The following PIK3CB variants were observed in gnomAD, a reference collection of about 807,000 sequenced individuals.
The protein encoded by PIK3CB is phosphatidylinositol-4,5-bisphosphate 3-kinase catalytic subunit beta.
In PIK3CB, 39 loss-of-function variants were observed where a neutral mutation model predicts 136.8. The observed-to-expected ratio is 0.29, with a 90% confidence interval of 0.22 to 0.37. The LOEUF is 0.37. PIK3CB is among the 10% of genes least tolerant of loss of function. The pLI, the probability that PIK3CB is intolerant of heterozygous loss-of-function variation, is 1.00. For missense variants in PIK3CB, 868 were observed against 1,275.4 expected (o/e 0.68, Z 4.87); for synonymous variants, 428 against 436.6 (o/e 0.98, Z 0.25).
chr3:138,655,543 A>G lies in PIK3CB; in HGVS notation c.3076-17T>C, dbSNP rs757526359. On this transcript the variant is annotated splice_polypyrimidine_tract_variant and intron_variant, in intron 23 of 23. Transcript: ENST00000674063. ...AAGAGAGTCCTAAAATGGAAGGGGGAAAATATGATTTTATATAACTTTAGT... is the reference window on the plus strand; with the variant it reads ...AAGAGAGTCCTAAAATGGAAGGGGGGAAATATGATTTTATATAACTTTAGT... 12 of 1,596,176 alleles carry G rather than the reference A, an allele frequency of 7.5e-6. No homozygotes were observed. The South Asian group carries it at 1.3e-4, about 18-fold the overall frequency.
intron 19 of PIK3CB, among the ~76,000 whole-genome samples, chr3:138,673,309 C>T (rs746534899): frequency 2.0e-5 from 3 of 151,438 alleles, no homozygotes; most frequent in Non-Finnish European, 4.4e-5. Flanking sequence ...TGAAAAGGCA[C>T]AATGAAAATG....
At chr3:138,693,966 T>TATATTATA (rs1457395869) in intron 14 of PIK3CB, among the ~76,000 whole-genome samples, 3 of 42,404 alleles carry the variant, frequency 7.1e-5, no homozygotes, top group Non-Finnish European at 1.1e-4. Flanking sequence ...TATATATATA[T>TATATTATA]TATATATATA....
intron 2 of PIK3CB, among the ~76,000 whole-genome samples, chr3:138,766,163 G>A (rs1484101692): frequency 2.0e-5 from 3 of 152,136 alleles, no homozygotes; most frequent in Admixed American, 1.3e-4. Context: ...TGTTATAGGT[G>A]TTTCTGAAAA....
At chr3:138,810,930 T>C (rs1364512421) in intron 1 of PIK3CB, among the ~76,000 whole-genome samples, 2 of 139,306 alleles carry the variant, frequency 1.4e-5, no homozygotes, top group South Asian at 2.3e-4. Context: ...AAAAAATAAA[T>C]AAATAAATAA....
At chr3:138,831,148 G>A (rs1479779493) in intron 1 of PIK3CB, among the ~76,000 whole-genome samples, 2 of 148,886 alleles carry the variant, frequency 1.3e-5, no homozygotes, top group African/African-American at 4.9e-5. Flanking sequence ...TTAGCCAGGC[G>A]TGGTGGCGGG....
At chr3:138,692,689 A>G (rs577125378) in intron 14 of PIK3CB, among the ~76,000 whole-genome samples, 1 of 152,340 alleles carries the variant, frequency 6.6e-6, no homozygotes, top group South Asian at 2.1e-4. Flanking sequence ...TTTGGCTATT[A>G]CACAGCTTAA....
intron 1 of PIK3CB, among the ~76,000 whole-genome samples, chr3:138,812,404 T>G (rs1933114296): frequency 6.6e-6 from 1 of 150,716 alleles, no homozygotes; most frequent in African/African-American, 2.4e-5. Flanking sequence ...TCCTGGCTAA[T>G]TTTTGTATTT....
At chr3:138,815,442 GAAGA>G (rs1265862344) in intron 1 of PIK3CB, among the ~76,000 whole-genome samples, 1 of 81,684 alleles carries the variant, frequency 1.2e-5, no homozygotes, top group East Asian at 3.4e-4. Context: ...AAAAAAAAAA[GAAGA>G]AAGAGAATTA....
chr3:138,689,373 G>A (rs569690929), intron 15 of PIK3CB, among the ~76,000 whole-genome samples: 1 of 152,310 alleles, frequency 6.6e-6, no homozygotes, highest in East Asian at 1.9e-4. Flanking sequence ...ATGTGGATGG[G>A]GTGGCCAGCC....
chr3:138,731,613 TTTAAA>T (rs2044975576), intron 8 of PIK3CB, among the ~76,000 whole-genome samples: 1 of 151,938 alleles, frequency 6.6e-6, no homozygotes, highest in Non-Finnish European at 1.5e-5. Flanking sequence ...AATTAAAAAA[TTTAAA>T]TTAAAAGATA....
chr3:138,768,735 G>C (rs1380647175), intron 2 of PIK3CB, among the ~76,000 whole-genome samples: 5 of 152,204 alleles, frequency 3.3e-5, no homozygotes, highest in Non-Finnish European at 5.9e-5. Context: ...AATCTGGAGG[G>C]GGCCAAGGTG....
At chr3:138,784,381 C>CA (rs1307852829) in intron 2 of PIK3CB, among the ~76,000 whole-genome samples, 2 of 151,906 alleles carry the variant, frequency 1.3e-5, no homozygotes, top group East Asian at 1.9e-4. Flanking sequence ...GACTCTGTAT[C>CA]AAAAAACAAA....
intron 13 of PIK3CB, among the ~76,000 whole-genome samples, chr3:138,696,182 T>C: frequency 7.4e-6 from 1 of 135,680 alleles, no homozygotes; most frequent in East Asian, 2.1e-4. Context: ...AATTTTAACC[T>C]TTTTTTTTTT....
At chr3:138,680,949 A>G (rs111252110) in intron 19 of PIK3CB, among the ~76,000 whole-genome samples, 4,188 of 152,064 alleles carry the variant, frequency 0.028, 201 homozygotes, top group African/African-American at 0.096. Context: ...CGGCCTCCCA[A>G]AGGGCTAGGA....
At chr3:138,688,493 T>G (rs2043941875) in intron 16 of PIK3CB, among the ~76,000 whole-genome samples, 1 of 104,216 alleles carries the variant, frequency 9.6e-6, no homozygotes, top group Non-Finnish European at 1.8e-5. Flanking sequence ...AGAGCGAGAC[T>G]CTGTCACAAA....
intron 1 of PIK3CB, among the ~76,000 whole-genome samples, chr3:138,821,671 G>T (rs1559891913): frequency 6.6e-6 from 1 of 151,976 alleles, no homozygotes; most frequent in Non-Finnish European, 1.5e-5. Context: ...TGTAATTCCA[G>T]CTACTTGGGA....
At chr3:138,818,775 C>T (rs1047574944) in intron 1 of PIK3CB, among the ~76,000 whole-genome samples, 6 of 152,108 alleles carry the variant, frequency 3.9e-5, no homozygotes, top group African/African-American at 1.4e-4. Flanking sequence ...TATTTCATAA[C>T]ATCCCTTTAC....
At chr3:138,672,404 T>C (rs1028457506) in intron 19 of PIK3CB, among the ~76,000 whole-genome samples, 2 of 152,210 alleles carry the variant, frequency 1.3e-5, no homozygotes, top group Non-Finnish European at 2.9e-5. Context: ...TGATTGTGTG[T>C]ACAGGCCTTT....
In PIK3CB at chr3:138,733,327, C is replaced by T. The variant is rs374114306; in HGVS notation, c.1050+34G>A. The T allele has an allele frequency of 9.9e-5, 95 of 961,688 alleles. 1 individual carries two copies. Among genetic ancestry groups the T allele is most frequent in the East Asian group, 2.7e-4 (11 of 40,426 alleles). The allele number at this position is 961,688 out of a possible 1,614,324, so 59.6% of individuals were successfully genotyped here. A position where few individuals can be genotyped will look rare whatever the true frequency, so the allele number is the denominator to read the frequency against. On this transcript the variant is annotated intron_variant, in intron 8 of 23. Coordinates refer to ENST00000674063, the MANE Select transcript of PIK3CB (RefSeq NM_006219.3). ...TCAGTGAGTTATTCAAATACTGGAG[C>T]GGATGGCAAATTCAAATCTTAGTGG...
Sources: allele counts gnomAD v4.1 joint callset (sites outside exome capture counted in the v4.1 genomes callset), GRCh38; gene constraint gnomAD v4.1.1; transcripts MANE v1.5; gene names NCBI Gene and HGNC (gene_info 2026-07-23, HGNC 2026-07-21).